The following POLK variants were observed in gnomAD, a reference collection of about 807,000 sequenced individuals.
POLK encodes the protein polymerase (DNA directed) kappa.
A neutral mutation model predicts 94.0 loss-of-function variants in POLK; 76 were observed. The observed-to-expected ratio is 0.81, with a 90% CI of 0.67 to 0.98. The LOEUF is 0.98. Among genes scored for constraint, POLK ranks in the 50% least tolerant of loss-of-function variants. POLK has a pLI of 0.00. For missense variants in POLK, 954 were observed against 1,010.1 expected, an observed-to-expected ratio of 0.94 and a Z score of 0.75; for synonymous variants, 349 against 325.4, an observed-to-expected ratio of 1.07 and a Z score of -0.78.
At chr5:75,597,066 A>C (rs1287310513) in exon 13 of POLK, 1 of 1,613,238 alleles carries the variant, frequency 6.2e-7, no homozygotes, top group Non-Finnish European at 8.5e-7. Context: ...CTTCAGATCT[A>C]ACCCTGTTCA....
In POLK at chr5:75,597,764, C is replaced by T. The variant is rs1364208803; in HGVS notation, c.2503C>T (p.Gln835Ter). 3 of 1,526,616 alleles carry T rather than the reference C, an allele frequency of 2.0e-6. No homozygotes were observed. Among genetic ancestry groups the T allele is most frequent in the Admixed American group, 2.0e-5 (1 of 50,658 alleles). The allele number at this position is 1,526,616 out of a possible 1,614,324, so 94.6% of individuals were successfully genotyped here. The stretch of plus-strand genomic sequence containing the variant: ...CTCTAAAGGTAGCTCAAGTGGAGTA[C>T]AGAAGGCTGTAACAAGAACAAAAAG... Residue 835 changes from glutamine (Q) to a stop codon, truncating the protein, a stop_gained, in exon 14 of 15, where the codon CAG becomes TAG. Coordinates refer to ENST00000241436, the Ensembl canonical transcript of POLK. LOFTEE classifies it high-confidence loss of function.
At chr5:75,566,750 G>C (rs1771296864) in intron 3 of POLK, among the ~76,000 whole-genome samples, 1 of 152,154 alleles carries the variant, frequency 6.6e-6, no homozygotes, top group Non-Finnish European at 1.5e-5. Flanking sequence ...AGTTGGAAAT[G>C]CAGAAATCAC....
chr5:75,556,229 C>T (rs1015664108), intron 3 of POLK, among the ~76,000 whole-genome samples: 4 of 152,148 alleles, frequency 2.6e-5, no homozygotes, highest in African/African-American at 9.6e-5. Flanking sequence ...AGTGGTATCT[C>T]ATTGTTGTTT....
chr5:75,554,466 T>TTATA (rs1229882561), intron 3 of POLK, among the ~76,000 whole-genome samples: 1 of 151,396 alleles, frequency 6.6e-6, no homozygotes, highest in East Asian at 1.9e-4. Context: ...TAAAAAAAGA[T>TTATA]TATATATATA....
intron 1 of POLK, among the ~76,000 whole-genome samples, chr5:75,525,992 T>C (rs1768822605): frequency 6.6e-6 from 1 of 152,200 alleles, no homozygotes; most frequent in Non-Finnish European, 1.5e-5. Context: ...ATGAAATATC[T>C]AAACTAATGA....
At chr5:75,586,018 A>G (rs1329220680) in intron 9 of POLK, among the ~76,000 whole-genome samples, 1 of 152,246 alleles carries the variant, frequency 6.6e-6, no homozygotes, top group Non-Finnish European at 1.5e-5. Flanking sequence ...AAGATATCAC[A>G]GCACTATAAA....
chr5:75,600,399 T>G (rs1260493144), exon 15 of POLK: 1 of 152,188 alleles, frequency 6.6e-6, no homozygotes, highest in Non-Finnish European at 1.5e-5. Flanking sequence ...CTCAGTAAAT[T>G]TAAAGATAAA....
intron 1 of POLK, among the ~76,000 whole-genome samples, chr5:75,526,579 T>G (rs925543022): frequency 2.7e-5 from 4 of 147,040 alleles, no homozygotes; most frequent in East Asian, 2.0e-4. Flanking sequence ...TTTTTGTTTT[T>G]TTTTTTTTCT....
intron 1 of POLK, among the ~76,000 whole-genome samples, chr5:75,540,201 C>T (rs141788723): frequency 2.6e-5 from 4 of 151,786 alleles, no homozygotes; most frequent in African/African-American, 9.7e-5. Flanking sequence ...TAGTGTGGAG[C>T]GTAGTGTGAA....
At chr5:75,573,836 C>T (rs141564658) in exon 5 of POLK, 1 of 1,613,446 alleles carries the variant, frequency 6.2e-7, no homozygotes, top group Non-Finnish European at 8.5e-7. Context: ...TAGTGCCCCC[C>T]AACTTTGACA....
At position 75,543,010 on chromosome 5, in the gene POLK, C is replaced by CTTATTTATTTAT. The variant is rs61605357; in HGVS notation, c.-13-3965_-13-3954dup. ...ACAGGTGTGAGCCACCGCGCCCAGC[C>CTTATTTATTTAT]TTATTTATTTATTTATTTATTTATT... On this transcript the variant is annotated intron_variant, in intron 1 of 14. Coordinates refer to ENST00000241436, the Ensembl canonical transcript of POLK. 2.0e-3 allele frequency among the ~76,000 whole-genome samples: 259 copies of CTTATTTATTTAT among 130,446 alleles called. 2 individuals carry two copies. Among genetic ancestry groups the CTTATTTATTTAT allele is most frequent in the Non-Finnish European group, 2.5e-3 (160 of 62,752 alleles). The allele number at this position is 130,446 out of a possible 152,430, so 85.6% of individuals were successfully genotyped here.
intron 1 of POLK, among the ~76,000 whole-genome samples, chr5:75,539,748 C>G (rs1318813235): frequency 1.3e-5 from 2 of 152,166 alleles, no homozygotes; most frequent in African/African-American, 4.8e-5. Context: ...CATAAGCCAC[C>G]ACACCCTACT....
the POLK span, among the ~76,000 whole-genome samples, chr5:75,608,112 A>G: frequency 1.3e-5 from 2 of 152,170 alleles, no homozygotes; most frequent in Non-Finnish European, 2.9e-5. Flanking sequence ...CCATGGCTAA[A>G]TTGCATTCCA....
At chr5:75,587,045 A>G (rs1257681633) in exon 10 of POLK, 3 of 1,546,782 alleles carry the variant, frequency 1.9e-6, no homozygotes, top group Non-Finnish European at 2.7e-6. Context: ...GAGGAAAAGT[A>G]TGAGCGTTGA....
intron 1 of POLK, among the ~76,000 whole-genome samples, chr5:75,541,300 A>C (rs1769727246): frequency 6.6e-6 from 1 of 152,042 alleles, no homozygotes; most frequent in South Asian, 2.1e-4. Context: ...TTCTGTCTCA[A>C]AAAAAAACCA....
At chr5:75,591,223 T>G (rs1772764848) in intron 11 of POLK, among the ~76,000 whole-genome samples, 1 of 152,142 alleles carries the variant, frequency 6.6e-6, no homozygotes, top group South Asian at 2.1e-4. Flanking sequence ...CGAAGTACAC[T>G]TATTTGATCT....
chr5:75,597,978 C>T, exon 15 of POLK: 1 of 1,461,544 alleles, frequency 6.8e-7, no homozygotes, highest in East Asian at 2.5e-5. Flanking sequence ...AAAATAAAAC[C>T]AAACAATCCC....
chr5:75,594,978 C>A (rs1031062549), intron 12 of POLK, among the ~76,000 whole-genome samples: 2 of 152,114 alleles, frequency 1.3e-5, no homozygotes, highest in African/African-American at 4.8e-5. Flanking sequence ...AGGCTGGGCG[C>A]GGTGGCTCAC....
chr5:75,526,521 T>C (rs955439114), intron 1 of POLK, among the ~76,000 whole-genome samples: 13 of 151,862 alleles, frequency 8.6e-5, no homozygotes, highest in African/African-American at 3.1e-4. Context: ...CATGGTATTT[T>C]AAGAGGATGA....
Sources: gnomAD v4.1 joint callset for allele counts (sites outside exome capture counted in the v4.1 genomes callset) on GRCh38, gnomAD v4.1.1 for gene constraint, MANE v1.5 for transcripts, NCBI Gene and HGNC (gene_info 2026-07-23, HGNC 2026-07-21) for gene names.